STYXL2: variants seen among roughly 807,000 people sequenced by gnomAD.
STYXL2 encodes the protein serine/threonine/tyrosine interacting like 2, also known as serine/threonine/tyrosine-interacting-like protein 2.
In STYXL2, 44 loss-of-function variants were observed where a neutral mutation model predicts 52.4. That is an observed-to-expected ratio of 0.84 (90% CI 0.66 to 1.08). The LOEUF is 1.08. Among genes scored for constraint, STYXL2 ranks in the 50% least tolerant of loss-of-function variants. The probability of loss-of-function intolerance (pLI) is 0.00; values close to 1 mark genes in which losing one functional copy is unlikely to be tolerated. For synonymous variants in STYXL2, 604 were observed against 586.9 expected (o/e 1.03, Z -0.42); for missense variants, 1,604 against 1,471.7 (o/e 1.09, Z -1.47).
At chr1:167,112,380 A>G (rs1294508598) in intron 2 of STYXL2, among the ~76,000 whole-genome samples, 1 of 152,174 alleles carries the variant, frequency 6.6e-6, no homozygotes, top group Non-Finnish European at 1.5e-5. Context: ...TGGATGCACG[A>G]GAGAATTGTT....
At chr1:167,098,173 A>G (rs1221056686) in intron 2 of STYXL2, among the ~76,000 whole-genome samples, 2 of 151,776 alleles carry the variant, frequency 1.3e-5, no homozygotes, top group Non-Finnish European at 2.9e-5. Flanking sequence ...TACCCCACCC[A>G]GCTAATTTTT....
chr1:167,112,271 G>A (rs78193416), intron 2 of STYXL2, among the ~76,000 whole-genome samples: 3,004 of 152,252 alleles, frequency 0.02, 124 homozygotes, highest in African/African-American at 0.069. Context: ...GTCTGGCCAT[G>A]TCCTGGGTAG....
At chr1:167,118,273 C>T (rs975928001) in intron 4 of STYXL2, among the ~76,000 whole-genome samples, 1 of 152,170 alleles carries the variant, frequency 6.6e-6, no homozygotes, top group African/African-American at 2.4e-5. Context: ...CTTTAGGATG[C>T]CAGTGCATAA....
intron 2 of STYXL2, among the ~76,000 whole-genome samples, chr1:167,113,079 C>T (rs1667650679): frequency 6.6e-6 from 1 of 152,146 alleles, no homozygotes; most frequent in South Asian, 2.1e-4. Flanking sequence ...TGGGAAATTG[C>T]CATGACATTT....
At position 167,118,323 on chromosome 1, in the gene STYXL2, G is replaced by A. The variant is rs191960316; in HGVS notation, c.437+764G>A. Among the ~76,000 whole-genome samples, 21 of 152,270 alleles carry A rather than the reference G, an allele frequency of 1.4e-4. No homozygotes were observed. The East Asian group carries it at 3.9e-3, about 28-fold the overall frequency. Reference sequence around the variant, plus strand: ...TTAATTAGTGAAACAAATTTTTGCTGACTCATCGAATACTTAATGAGATGT... The same window carrying A: ...TTAATTAGTGAAACAAATTTTTGCTAACTCATCGAATACTTAATGAGATGT... On this transcript the variant is annotated intron_variant, in intron 4 of 5. Transcript: ENST00000361200.
chr1:167,111,322 C>T (rs894633458), intron 2 of STYXL2, among the ~76,000 whole-genome samples: 2 of 151,646 alleles, frequency 1.3e-5, no homozygotes, highest in Non-Finnish European at 2.9e-5. Flanking sequence ...AGCAATCCCA[C>T]TCCTGAGTAT....
intron 2 of STYXL2, 58 bp downstream of exon 2, chr1:167,095,017 G>C: frequency 7.3e-7 from 1 of 1,368,786 alleles, no homozygotes; most frequent in South Asian, 1.3e-5. Context: ...CTGGGGACAG[G>C]TTGGGCCATT....
Position 167,113,952 on chromosome 1 carries a change from C to G in STYXL2, c.205+148C>G. The stretch of plus-strand genomic sequence containing the variant: ...ATCTGCAGAAGGCAGTTCTGCCAAC[C>G]CTACCTCCTCAACTTTGATAGGATG... On this transcript the variant is annotated intron_variant, in intron 3 of 5. Transcript: ENST00000361200. 4.4e-6 allele frequency: 3 copies of G among 684,956 alleles called. No homozygotes were observed. In the South Asian group the frequency reaches 4.9e-5, roughly 11 times the overall value. 42.4% of individuals were successfully genotyped at this position (684,956 alleles called of 1,614,324 possible).
In STYXL2 at chr1:167,128,858, G is replaced by A. The variant is rs66619221; in HGVS notation, c.*250G>A. The A allele has an allele frequency of 0.33, 168,367 of 513,192 alleles. 31,088 individuals carry two copies. Among genetic ancestry groups the A allele is most frequent in the East Asian group, 0.78 (21,677 of 27,680 alleles). 31.8% of individuals were successfully genotyped at this position (513,192 alleles called of 1,614,324 possible). On this transcript the variant is annotated 3_prime_UTR_variant, in exon 6 of 6. Coordinates refer to ENST00000361200, the MANE Select transcript of STYXL2 (RefSeq NM_001080426.3). ...CTGATACCATTTTCTGTTGCTCAGC[G>A]CCCTCTAAGCTTTGGTGTTTCACTT... is the stretch of plus-strand genomic sequence containing the variant.
At chr1:167,112,422 A>G (rs1667638731) in intron 2 of STYXL2, among the ~76,000 whole-genome samples, 1 of 152,164 alleles carries the variant, frequency 6.6e-6, no homozygotes. Context: ...TTCAATCTCA[A>G]CTTGTCTCAG....
chr1:167,098,794 T>G (rs1667343600), intron 2 of STYXL2, among the ~76,000 whole-genome samples: 1 of 152,210 alleles, frequency 6.6e-6, no homozygotes, highest in Admixed American at 6.5e-5. Flanking sequence ...AGTCCCTCTA[T>G]GTGGGTTACT....
At chr1:167,096,404 G>A (rs566670010) in intron 2 of STYXL2, among the ~76,000 whole-genome samples, 20 of 152,282 alleles carry the variant, frequency 1.3e-4, no homozygotes, top group East Asian at 3.9e-4. Context: ...TGACAGTTTC[G>A]TGTATTGCTA....
chr1:167,115,872 A>G (rs985651941), intron 3 of STYXL2, among the ~76,000 whole-genome samples: 8 of 152,126 alleles, frequency 5.3e-5, no homozygotes, highest in Non-Finnish European at 1.0e-4. Flanking sequence ...AGAGGAGGGA[A>G]GAGAGAAGGG....
chr1:167,125,649 C>A, intron 5 of STYXL2, 138 bp from the exon 6 acceptor site: 1 of 1,299,882 alleles, frequency 7.7e-7, no homozygotes, highest in Non-Finnish European at 1.0e-6. Context: ...TGTCTTGAGC[C>A]CGGATGAACT....
chr1:167,105,419 CT>C (rs979420984), intron 2 of STYXL2, among the ~76,000 whole-genome samples: 6 of 152,104 alleles, frequency 3.9e-5, no homozygotes, highest in Admixed American at 1.3e-4. Flanking sequence ...ATCCTAGGTC[CT>C]TTTTTTCCCT....
chr1:167,122,723 C>A (rs1293759812), intron 5 of STYXL2, among the ~76,000 whole-genome samples: 1 of 152,052 alleles, frequency 6.6e-6, no homozygotes, highest in African/African-American at 2.4e-5. Context: ...GGATGGAATG[C>A]AGTAATGTGA....
At chr1:167,107,553 G>A (rs749043076) in intron 2 of STYXL2, among the ~76,000 whole-genome samples, 12 of 152,230 alleles carry the variant, frequency 7.9e-5, no homozygotes, top group Non-Finnish European at 1.5e-4. Flanking sequence ...CCAGTAAAAT[G>A]ATGAGCATGC....
At chr1:167,124,564 G>A (rs1172558161) in intron 5 of STYXL2, among the ~76,000 whole-genome samples, 2 of 152,140 alleles carry the variant, frequency 1.3e-5, no homozygotes, top group South Asian at 2.1e-4. Flanking sequence ...ATGCAAAGCC[G>A]AAAAGGAGGC....
chr1:167,116,924 A>G (rs530148182), intron 3 of STYXL2, among the ~76,000 whole-genome samples: 1 of 152,312 alleles, frequency 6.6e-6, no homozygotes, highest in Admixed American at 6.5e-5. Flanking sequence ...TGCTGGGGTT[A>G]CAGACGTGAG....
Sources: allele counts gnomAD v4.1 joint callset (sites outside exome capture counted in the v4.1 genomes callset), GRCh38; gene constraint gnomAD v4.1.1; transcripts MANE v1.5; gene names NCBI Gene and HGNC (gene_info 2026-07-23, HGNC 2026-07-21).